MAGI3: variants seen among roughly 807,000 people sequenced by gnomAD.
MAGI3 encodes membrane associated guanylate kinase, WW and PDZ domain containing 3.
MAGI3 carries 43 observed loss-of-function variants against 121.8 expected under a neutral mutation model. The observed-to-expected ratio is 0.35, with a 90% CI of 0.28 to 0.46. MAGI3 has a LOEUF of 0.46. Ranked by LOEUF, MAGI3 falls within the 20% of genes least tolerant of loss-of-function variation. The probability of loss-of-function intolerance (pLI) is 1.00; values close to 1 mark genes in which losing one functional copy is unlikely to be tolerated. For synonymous variants in MAGI3, 553 were observed against 639.3 expected (o/e 0.86, Z 2.04); for missense variants, 1,547 against 1,797.3 (o/e 0.86, Z 2.52).
chr1:113,407,831 G>A (rs953717153), intron 1 of MAGI3, among the ~76,000 whole-genome samples: 12 of 152,190 alleles, frequency 7.9e-5, no homozygotes, highest in South Asian at 4.1e-4. Flanking sequence ...CCACGAACTC[G>A]TTTATGTGCT....
chr1:113,464,936 C>T (rs12127683), intron 1 of MAGI3, among the ~76,000 whole-genome samples: 9,438 of 152,198 alleles, frequency 0.062, 320 homozygotes, highest in Non-Finnish European at 0.074. Flanking sequence ...GATTTTCTCT[C>T]ATTCTGTGGG....
At chr1:113,537,187 G>A (rs149875711) in intron 1 of MAGI3, among the ~76,000 whole-genome samples, 2,365 of 152,238 alleles carry the variant, frequency 0.016, 29 homozygotes, top group South Asian at 0.024. Context: ...TGGGTAAGGA[G>A]GGAGCTAGAG....
intron 1 of MAGI3, among the ~76,000 whole-genome samples, chr1:113,517,413 T>C (rs1293396944): frequency 6.6e-6 from 1 of 151,876 alleles, no homozygotes; most frequent in African/African-American, 2.4e-5. Flanking sequence ...ATCACCATTA[T>C]AGTTAATACC....
At chr1:113,478,170 G>A (rs578028734) in intron 1 of MAGI3, among the ~76,000 whole-genome samples, 7 of 152,208 alleles carry the variant, frequency 4.6e-5, no homozygotes, top group East Asian at 1.9e-4. Context: ...TGATGGGTTC[G>A]AACAACCTCC....
At chr1:113,638,920 A>G (rs1361527503) in intron 9 of MAGI3, among the ~76,000 whole-genome samples, 10 of 152,190 alleles carry the variant, frequency 6.6e-5, no homozygotes, top group Non-Finnish European at 1.3e-4. Flanking sequence ...TGTTTACCTA[A>G]GCAAGCCTGG....
intron 2 of MAGI3, among the ~76,000 whole-genome samples, chr1:113,572,582 G>A (rs982144699): frequency 2.0e-5 from 3 of 152,104 alleles, no homozygotes; most frequent in Non-Finnish European, 4.4e-5. Flanking sequence ...CTTGTTACTG[G>A]TCTATTCAGG....
chr1:113,616,647 T>A (rs924018188), intron 7 of MAGI3, among the ~76,000 whole-genome samples: 16 of 152,234 alleles, frequency 1.1e-4, no homozygotes, highest in African/African-American at 3.9e-4. Context: ...GCTTATAATA[T>A]GCATAAATAT....
At chr1:113,559,699 C>T (rs1226103808) in intron 2 of MAGI3, among the ~76,000 whole-genome samples, 1 of 152,136 alleles carries the variant, frequency 6.6e-6, no homozygotes, top group Non-Finnish European at 1.5e-5. Context: ...TCCTGAATAG[C>T]TGGGACTATA....
At position 113,644,131 on chromosome 1, in the gene MAGI3, G is replaced by A. The variant is rs554013024; in HGVS notation, c.1998+357G>A. The stretch of plus-strand genomic sequence containing the variant: ...GAAGGACCTAAATGTTAAGACAGAT[G>A]ATAAACTATTACATCGTCTTGCCCC... On this transcript the variant is annotated intron_variant, in intron 11 of 20. Coordinates refer to ENST00000307546, the MANE Select transcript of MAGI3 (RefSeq NM_001142782.2). 2.6e-5 allele frequency among the ~76,000 whole-genome samples: 4 copies of A among 152,276 alleles called. No individual in the cohort carries two copies. The South Asian group carries it at 8.3e-4, about 32-fold the overall frequency.
intron 6 of MAGI3, among the ~76,000 whole-genome samples, chr1:113,597,837 C>A (rs1260392712): frequency 6.6e-6 from 1 of 152,166 alleles, no homozygotes; most frequent in East Asian, 1.9e-4. Flanking sequence ...ACCAGATCAG[C>A]CCTACAAGAT....
At chr1:113,611,461 A>G (rs1429308339) in intron 6 of MAGI3, among the ~76,000 whole-genome samples, 1 of 152,076 alleles carries the variant, frequency 6.6e-6, no homozygotes, top group Non-Finnish European at 1.5e-5. Flanking sequence ...CCTGGGAATC[A>G]TCTTTGCCTC....
intron 1 of MAGI3, among the ~76,000 whole-genome samples, chr1:113,455,020 A>G (rs1224788797): frequency 6.6e-6 from 1 of 152,212 alleles, no homozygotes; most frequent in East Asian, 1.9e-4. Flanking sequence ...GTGGTCCAGA[A>G]TAGATGTCAT....
At chr1:113,544,587 A>G (rs1659445665) in intron 1 of MAGI3, among the ~76,000 whole-genome samples, 1 of 152,208 alleles carries the variant, frequency 6.6e-6, no homozygotes, top group Non-Finnish European at 1.5e-5. Context: ...TAATAGATGA[A>G]AGGAGCACAT....
chr1:113,517,481 A>T lies in MAGI3; in HGVS notation c.317-32034A>T, dbSNP rs187792967. ...CTGTTGAGTCCCTAGTGGAGAAATA[A>T]CATTAATGGAAATGCCTAGGATACC... On this transcript the variant is annotated intron_variant, in intron 1 of 20. Coordinates refer to ENST00000307546, the MANE Select transcript of MAGI3 (RefSeq NM_001142782.2). Among the ~76,000 whole-genome samples, 6 of 152,164 alleles carry T rather than the reference A, an allele frequency of 3.9e-5. No individual in the cohort carries two copies. In the East Asian group the frequency reaches 1.2e-3, roughly 29 times the overall value.
intron 1 of MAGI3, among the ~76,000 whole-genome samples, chr1:113,415,477 C>T (rs1047897171): frequency 3.9e-5 from 6 of 152,042 alleles, no homozygotes; most frequent in East Asian, 1.9e-4. Context: ...CTATCACTTT[C>T]TGCCTAGATT....
At chr1:113,643,975 A>G (rs995626200) in intron 11 of MAGI3, among the ~76,000 whole-genome samples, 1 of 152,210 alleles carries the variant, frequency 6.6e-6, no homozygotes, top group African/African-American at 2.4e-5. Context: ...CCACTGGTTA[A>G]GTATTGCAAC....
At chr1:113,417,564 G>T (rs1233916437) in intron 1 of MAGI3, among the ~76,000 whole-genome samples, 1 of 152,002 alleles carries the variant, frequency 6.6e-6, no homozygotes. Context: ...TTAAGAACAG[G>T]ACTTAATGTA....
intron 6 of MAGI3, among the ~76,000 whole-genome samples, chr1:113,602,013 A>G (rs1649420601): frequency 6.6e-6 from 1 of 152,136 alleles, no homozygotes; most frequent in African/African-American, 2.4e-5. Context: ...ATAGGTTGGA[A>G]CTGAACAATG....
intron 2 of MAGI3, among the ~76,000 whole-genome samples, chr1:113,578,001 A>G (rs1274989730): frequency 1.7e-5 from 2 of 116,352 alleles, no homozygotes; most frequent in Admixed American, 1.5e-4. Flanking sequence ...GGCTTAAAAT[A>G]GTGATGTTTA....
Sources: gnomAD v4.1 joint callset for allele counts (sites outside exome capture counted in the v4.1 genomes callset) on GRCh38, gnomAD v4.1.1 for gene constraint, MANE v1.5 for transcripts, NCBI Gene and HGNC (gene_info 2026-07-23, HGNC 2026-07-21) for gene names.